The following GMDS variants were observed in gnomAD, a reference collection of about 807,000 sequenced individuals.
The protein encoded by GMDS is GDP-mannose 4,6-dehydratase.
In GMDS, 20 loss-of-function variants were observed where a neutral mutation model predicts 49.9. The ratio of observed to expected loss-of-function variants is 0.40; its 90% CI spans 0.28 to 0.58. GMDS has a LOEUF of 0.58. Ranked by LOEUF, GMDS falls within the 20% of genes least tolerant of loss-of-function variation. The pLI is 0.42. For missense variants in GMDS, 362 were observed against 481.4 expected, an observed-to-expected ratio of 0.75 and a Z score of 2.32; for synonymous variants, 177 against 178.6, an observed-to-expected ratio of 0.99 and a Z score of 0.07.
At chr6:1,940,359 A>T (rs1297350929) in intron 6 of GMDS, among the ~76,000 whole-genome samples, 2 of 152,266 alleles carry the variant, frequency 1.3e-5, no homozygotes, top group African/African-American at 4.8e-5. Context: ...GACAATATTC[A>T]TTGGAAAACA....
chr6:2,004,436 G>T (rs1425215933), intron 4 of GMDS, among the ~76,000 whole-genome samples: 1 of 151,866 alleles, frequency 6.6e-6, no homozygotes, highest in Admixed American at 6.6e-5. Context: ...GCCATTTTTT[G>T]AATTTTACAA....
intron 4 of GMDS, among the ~76,000 whole-genome samples, chr6:2,013,677 A>G (rs530139109): frequency 6.6e-6 from 1 of 152,152 alleles, no homozygotes; most frequent in South Asian, 2.1e-4. Context: ...TGACCACAGA[A>G]AAAGTCAGTG....
intron 7 of GMDS, among the ~76,000 whole-genome samples, chr6:1,911,188 C>A (rs1359699082): frequency 1.3e-5 from 2 of 152,152 alleles, no homozygotes; most frequent in Non-Finnish European, 2.9e-5. Flanking sequence ...CATACTGATC[C>A]GCGTAACCAG....
At chr6:1,953,252 G>A (rs972527617) in intron 6 of GMDS, among the ~76,000 whole-genome samples, 2 of 152,054 alleles carry the variant, frequency 1.3e-5, no homozygotes, top group Non-Finnish European at 2.9e-5. Context: ...CGAGGCTGCT[G>A]TTCTTAGTGT....
chr6:1,625,480 C>T (rs1057235581), intron 9 of GMDS: 1 of 152,270 alleles, frequency 6.6e-6, no homozygotes, highest in African/African-American at 2.4e-5. Flanking sequence ...CCGCTTTCCC[C>T]AACTGCTCCA....
At chr6:1,630,563 A>G (rs9391926) in intron 9 of GMDS, among the ~76,000 whole-genome samples, 26,427 of 152,206 alleles carry the variant, frequency 0.17, 2,495 homozygotes, top group Admixed American at 0.28. Flanking sequence ...AGAGGAAAGC[A>G]CTTCTCAGAG....
chr6:1,847,892 G>A (rs1337478863), intron 7 of GMDS, among the ~76,000 whole-genome samples: 5 of 152,030 alleles, frequency 3.3e-5, no homozygotes, highest in African/African-American at 9.7e-5. Flanking sequence ...ACTGTCTAAC[G>A]GGAAGATCAG....
At chr6:1,923,045 C>G (rs1444864883) in intron 7 of GMDS, among the ~76,000 whole-genome samples, 2 of 152,208 alleles carry the variant, frequency 1.3e-5, no homozygotes, top group Non-Finnish European at 2.9e-5. Context: ...CTCTCATTCT[C>G]TCTCTTCCCT....
At chr6:1,710,945 T>A (rs1490300053) in intron 9 of GMDS, among the ~76,000 whole-genome samples, 1 of 152,140 alleles carries the variant, frequency 6.6e-6, no homozygotes, top group East Asian at 1.9e-4. Context: ...ACATGAACAT[T>A]TACAAAATAC....
At chr6:2,003,371 T>G (rs1448170248) in intron 4 of GMDS, among the ~76,000 whole-genome samples, 1 of 152,110 alleles carries the variant, frequency 6.6e-6, no homozygotes, top group Non-Finnish European at 1.5e-5. Context: ...AAACCATAAG[T>G]AAAATAATTT....
intron 9 of GMDS, among the ~76,000 whole-genome samples, chr6:1,654,165 T>C (rs2113226463): frequency 1.3e-5 from 2 of 152,334 alleles, no homozygotes; most frequent in Middle Eastern, 3.4e-3. Flanking sequence ...GATTGGAATG[T>C]AAAACTCTGC....
chr6:1,830,447 AG>A (rs1254542252), intron 7 of GMDS, among the ~76,000 whole-genome samples: 1 of 152,216 alleles, frequency 6.6e-6, no homozygotes, highest in Non-Finnish European at 1.5e-5. Context: ...AAACATCTTA[AG>A]GAGAGGGAGT....
rs533106560 is a variant in GMDS at position 2,108,414 on chromosome 6, AGAT to A, written c.345+7354_345+7356del. 1.4e-3 allele frequency among the ~76,000 whole-genome samples: 211 copies of A among 152,252 alleles called. 1 individual carries two copies. Among genetic ancestry groups the A allele is most frequent in the South Asian group, 3.1e-3 (15 of 4,816 alleles). ...TTAAATTGTACTACCCTAACCAAAA[AGAT>A]GATTATCATTCCTGATGAGTTAGTA... On this transcript the variant is annotated intron_variant, in intron 4 of 10. Coordinates refer to ENST00000380815, the MANE Select transcript of GMDS (RefSeq NM_001500.4).
At chr6:2,174,713 A>C (rs1192634975) in intron 1 of GMDS, among the ~76,000 whole-genome samples, 1 of 152,056 alleles carries the variant, frequency 6.6e-6, no homozygotes, top group Non-Finnish European at 1.5e-5. Context: ...GACTGCAGGC[A>C]CGTGCCACCA....
chr6:2,115,818 C>G lies in GMDS; in HGVS notation c.298G>C (p.Val100Leu), dbSNP rs1179901889. The G allele has an allele frequency of 1.9e-6, 3 of 1,605,138 alleles. No homozygotes were observed. The highest frequency in any genetic ancestry group is 1.7e-6 in the Non-Finnish European group (2 of 1,174,310). ...STCLVKIINE[V>L]KPTEIYNLGA... ...AGGTTGTAGATCTCTGTGGGCTTTA[C>G]TTCATTAATGATCTTCACAAGGCAG... Residue 100 changes from valine (V) to leucine (L), a missense_variant, in exon 4 of 11, where the codon GTA becomes CTA. By Grantham distance (32) the Val-to-Leu change is conservative. Coordinates refer to ENST00000380815, the MANE Select transcript of GMDS (RefSeq NM_001500.4).
At chr6:2,085,874 TAGTC>T (rs1417392348) in intron 4 of GMDS, among the ~76,000 whole-genome samples, 1 of 152,228 alleles carries the variant, frequency 6.6e-6, no homozygotes, top group Non-Finnish European at 1.5e-5. Flanking sequence ...CTGAACTCTC[TAGTC>T]ATTCATTAAT....
chr6:2,187,221 C>T (rs567825409), intron 1 of GMDS, among the ~76,000 whole-genome samples: 2 of 152,300 alleles, frequency 1.3e-5, no homozygotes, highest in East Asian at 3.9e-4. Flanking sequence ...TGTCTCAGGC[C>T]AAGGAGTGGC....
intron 9 of GMDS, among the ~76,000 whole-genome samples, chr6:1,652,379 AAATATATATATATTAT>A (rs1343338003): frequency 0.045 from 445 of 9,850 alleles, 104 homozygotes; most frequent in African/African-American, 0.056. Flanking sequence ...CTAAAAAAAA[AAATATATATATATTAT>A]ATATATATAT....
chr6:1,732,087 G>A (rs979880672), intron 8 of GMDS, among the ~76,000 whole-genome samples: 1 of 152,212 alleles, frequency 6.6e-6, no homozygotes, highest in Non-Finnish European at 1.5e-5. Context: ...CAGCACTTTG[G>A]GAGGCCGAGG....
Sources: allele counts gnomAD v4.1 joint callset (sites outside exome capture counted in the v4.1 genomes callset), GRCh38; gene constraint gnomAD v4.1.1; transcripts MANE v1.5; gene names NCBI Gene and HGNC (gene_info 2026-07-23, HGNC 2026-07-21).